The following SLC6A6 variants were observed in gnomAD, a reference collection of about 807,000 sequenced individuals.
SLC6A6 encodes solute carrier family 6 member 6.
SLC6A6 carries 16 observed loss-of-function variants against 68.8 expected under a neutral mutation model. The observed-to-expected ratio is 0.23, with a 90% CI of 0.16 to 0.35. The LOEUF is 0.35. SLC6A6 is among the 10% of genes least tolerant of loss of function. SLC6A6 has a pLI of 1.00. For synonymous variants in SLC6A6, 312 were observed against 315.4 expected, an observed-to-expected ratio of 0.99 and a Z score of 0.12; for missense variants, 474 against 802.8, an observed-to-expected ratio of 0.59 and a Z score of 4.95.
chr3:14,432,386 C>A (rs1454439524), intron 2 of SLC6A6, among the ~76,000 whole-genome samples: 1 of 152,202 alleles, frequency 6.6e-6, no homozygotes, highest in African/African-American at 2.4e-5. Context: ...AAGCTGACAG[C>A]AAGAGTGACA....
chr3:14,408,451 C>T (rs1699159279), intron 1 of SLC6A6, among the ~76,000 whole-genome samples: 1 of 151,960 alleles, frequency 6.6e-6, no homozygotes, highest in African/African-American at 2.4e-5. Flanking sequence ...TCTCCTGCCT[C>T]AGCCTTCTGA....
intron 5 of SLC6A6, among the ~76,000 whole-genome samples, chr3:14,452,973 T>C (rs1252721447): frequency 1.3e-5 from 2 of 152,218 alleles, no homozygotes; most frequent in Non-Finnish European, 1.5e-5. Flanking sequence ...TTAGACTTTA[T>C]TAGAATCAAA....
intron 5 of SLC6A6, among the ~76,000 whole-genome samples, chr3:14,457,012 G>C (rs1315458594): frequency 6.6e-6 from 1 of 152,188 alleles, no homozygotes; most frequent in South Asian, 2.1e-4. Context: ...GCCACTTCTG[G>C]GCATCAAGTT....
intron 2 of SLC6A6, among the ~76,000 whole-genome samples, chr3:14,418,916 A>T (rs572412337): frequency 9.1e-4 from 139 of 152,316 alleles, no homozygotes; most frequent in African/African-American, 3.2e-3. Flanking sequence ...TCAGGCTGGG[A>T]ACGGCCTCTG....
intron 6 of SLC6A6, among the ~76,000 whole-genome samples, chr3:14,463,334 C>T (rs115473709): frequency 3.9e-5 from 6 of 152,348 alleles, no homozygotes; most frequent in South Asian, 2.1e-4. Context: ...TTAAAACTCA[C>T]GAAGCCCTTA....
In SLC6A6 at chr3:14,477,087, C is replaced by T. The variant is rs1318581633; in HGVS notation, c.1210-118C>T. 2.2e-5 allele frequency: 21 copies of T among 953,088 alleles called. 1 individual carries two copies. The East Asian group carries it at 4.6e-4, about 21-fold the overall frequency. The allele number at this position is 953,088 out of a possible 1,614,324, so 59.0% of individuals were successfully genotyped here. A position where few individuals can be genotyped will look rare whatever the true frequency, so the allele number is the denominator to read the frequency against. ...CTTGATCTCACAGGCCAATTCTGGA[C>T]ACAAGGATGGTCACGTCTGCTCCTG... On this transcript the variant is annotated intron_variant, in intron 10 of 14. Transcript: ENST00000622186. This position sits in a 1 kb window ranked among gnomAD's most constrained non-coding sequence, Gnocchi z 4.2.
At chr3:14,479,445 AG>A (rs745309625) in intron 13 of SLC6A6, among the ~76,000 whole-genome samples, 1 of 152,214 alleles carries the variant, frequency 6.6e-6, no homozygotes, top group Non-Finnish European at 1.5e-5. Context: ...TGCGGGGCCA[AG>A]GCATCCTAAA....
At chr3:14,405,138 G>A (rs909787040) in intron 1 of SLC6A6, among the ~76,000 whole-genome samples, 8 of 152,184 alleles carry the variant, frequency 5.3e-5, no homozygotes, top group Admixed American at 2.0e-4. Flanking sequence ...AAATTGAACC[G>A]GGGCCTGGGG....
chr3:14,430,822 G>A (rs1699708268), intron 2 of SLC6A6, among the ~76,000 whole-genome samples: 1 of 152,220 alleles, frequency 6.6e-6, no homozygotes, highest in African/African-American at 2.4e-5. Flanking sequence ...TCTGTGAAAT[G>A]AGTTCCCTCC....
intron 2 of SLC6A6, among the ~76,000 whole-genome samples, chr3:14,428,791 T>A (rs1216009218): frequency 1.3e-5 from 2 of 152,134 alleles, no homozygotes; most frequent in African/African-American, 4.8e-5. Context: ...CTGCCATTGT[T>A]CCCTATGCCT....
intron 10 of SLC6A6, among the ~76,000 whole-genome samples, chr3:14,473,868 C>T (rs1700810534): frequency 6.6e-6 from 1 of 152,184 alleles, no homozygotes; most frequent in Non-Finnish European, 1.5e-5. Context: ...CAAGGCATGA[C>T]ATCTTCATGG....
chr3:14,467,351 A>G (rs1362696042), intron 7 of SLC6A6, among the ~76,000 whole-genome samples: 1 of 152,190 alleles, frequency 6.6e-6, no homozygotes. Flanking sequence ...CTTTGCCTGC[A>G]TAGTTCCTTG....
At position 14,454,789 on chromosome 3, in the gene SLC6A6, C is replaced by G. The variant is rs1270945931; in HGVS notation, c.600-3161C>G. Among the ~76,000 whole-genome samples the G allele has an allele frequency of 2.0e-5, 3 of 152,222 alleles. No individual in the cohort carries two copies. The East Asian group carries it at 5.8e-4, about 29-fold the overall frequency. ...TCCCCCACACAGGCAGCAACTGCCA[C>G]CAGCTTCTTGTGTGTCCTGCCAAAA... is the stretch of plus-strand genomic sequence containing the variant. On this transcript the variant is annotated intron_variant, in intron 5 of 14. Coordinates refer to ENST00000622186, the MANE Select transcript of SLC6A6 (RefSeq NM_003043.6).
rs1700903155 is a variant in SLC6A6, at chr3:14,477,381, C to T, written c.1347+39C>T. On this transcript the variant is annotated intron_variant, in intron 11 of 14. Transcript: ENST00000622186. This position sits in a 1 kb window ranked among gnomAD's most constrained non-coding sequence, Gnocchi z 4.2. ...TCAGCTGTGTTTCAGGCTTGGTGCT[C>T]CAGTGCCCTCCTCAAGGCCATAGTG... 6.2e-7 allele frequency: 1 copy of T among 1,605,582 alleles called. No individual in the cohort carries two copies. Among genetic ancestry groups the T allele is most frequent in the Admixed American group, 1.7e-5 (1 of 59,822 alleles).
intron 2 of SLC6A6, among the ~76,000 whole-genome samples, chr3:14,433,529 C>T (rs1020741931): frequency 3.3e-5 from 5 of 152,108 alleles, no homozygotes; most frequent in Non-Finnish European, 7.4e-5. Flanking sequence ...TAGCTGAGCA[C>T]GGTAGCTCCC....
intron 9 of SLC6A6, among the ~76,000 whole-genome samples, chr3:14,470,669 C>T (rs921084040): frequency 1.3e-5 from 2 of 152,148 alleles, no homozygotes; most frequent in Admixed American, 6.5e-5. Flanking sequence ...TCAGTGTGGA[C>T]CAGTCAGGGC....
rs1700911000 is a variant in SLC6A6, at chr3:14,477,709, C to A, written c.1347+367C>A. ...GACATTCTCAAGGGTAAACGCAGGC[C>A]TCCCAGGAAATACCACAGCACCACG... is the stretch of plus-strand genomic sequence containing the variant. On this transcript the variant is annotated intron_variant, in intron 11 of 14. Transcript: ENST00000622186. The surrounding 1 kb of genome is among the most constrained non-coding windows in gnomAD (Gnocchi z 4.2). Among the ~76,000 whole-genome samples the A allele has an allele frequency of 6.6e-6, 1 of 152,190 alleles. No homozygotes were observed. The highest frequency in any genetic ancestry group is 1.5e-5 in the Non-Finnish European group (1 of 68,036).
intron 3 of SLC6A6, 93 bp from the exon 4 acceptor site, chr3:14,445,624 T>G (rs2124947933): frequency 2.1e-6 from 3 of 1,420,826 alleles, no homozygotes; most frequent in Non-Finnish European, 3.0e-6. Flanking sequence ...TCATGCATTC[T>G]CTCTGGTTCC....
rs1699013198 is a variant in SLC6A6, at chr3:14,402,781, G to C, written c.-120G>C. 5.0e-6 allele frequency: 2 copies of C among 398,030 alleles called. No individual in the cohort carries two copies. Among genetic ancestry groups the C allele is most frequent in the African/African-American group, 4.1e-5 (2 of 48,712 alleles). The allele number at this position is 398,030 out of a possible 1,614,324, so 24.7% of individuals were successfully genotyped here. A position where few individuals can be genotyped will look rare whatever the true frequency, so the allele number is the denominator to read the frequency against. On this transcript the variant is annotated 5_prime_UTR_variant, in exon 1 of 15. Coordinates refer to ENST00000622186, the MANE Select transcript of SLC6A6 (RefSeq NM_003043.6). This position sits in a 1 kb window ranked among gnomAD's most constrained non-coding sequence, Gnocchi z 4.8. ...CAGCGGGTCAGAGAGCGAGCGGGCA[G>C]GCAGCCCCCGGCCGGCGGAACCCGG... is the stretch of plus-strand genomic sequence containing the variant.
Sources: allele counts gnomAD v4.1 joint callset (sites outside exome capture counted in the v4.1 genomes callset), GRCh38; gene constraint gnomAD v4.1.1; non-coding constraint Gnocchi (gnomAD v3.1); transcripts MANE v1.5; gene names NCBI Gene and HGNC (gene_info 2026-07-23, HGNC 2026-07-21).